SDK1: variants seen among roughly 807,000 people sequenced by gnomAD.
SDK1 encodes the protein protein sidekick-1.
A neutral mutation model predicts 245.5 loss-of-function variants in SDK1; 157 were observed. That is an observed-to-expected ratio of 0.64 (90% confidence interval 0.56 to 0.73). The LOEUF (loss-of-function observed/expected upper bound fraction) is 0.73, where lower values mean the gene tolerates loss of function less well. SDK1 is among the 30% of genes least tolerant of loss of function. The probability of loss-of-function intolerance (pLI) is 0.00; values close to 1 mark genes in which losing one functional copy is unlikely to be tolerated. For synonymous variants in SDK1, 1,647 were observed against 1,278.5 expected (o/e 1.29, Z -6.15); for missense variants, 3,583 against 3,002.3 (o/e 1.19, Z -4.52).
At chr7:3,688,668 A>G (rs928690230) in intron 4 of SDK1, among the ~76,000 whole-genome samples, 5 of 152,178 alleles carry the variant, frequency 3.3e-5, no homozygotes, top group Non-Finnish European at 7.3e-5. Context: ...GAGTTTTAGT[A>G]TGTTGGAGTA....
intron 5 of SDK1, among the ~76,000 whole-genome samples, chr7:3,891,615 A>G (rs994037099): frequency 6.6e-6 from 1 of 152,042 alleles, no homozygotes; most frequent in African/African-American, 2.4e-5. Context: ...TCTAAACTCA[A>G]TTCCAAGTAC....
intron 1 of SDK1, among the ~76,000 whole-genome samples, chr7:3,363,953 A>G (rs954023868): frequency 3.3e-5 from 5 of 152,186 alleles, no homozygotes; most frequent in Non-Finnish European, 7.3e-5. Context: ...TCACATCCTC[A>G]TCATTATTTG....
At chr7:3,777,869 A>G (rs1780611779) in intron 4 of SDK1, among the ~76,000 whole-genome samples, 1 of 152,232 alleles carries the variant, frequency 6.6e-6, no homozygotes, top group Non-Finnish European at 1.5e-5. Context: ...ATATAGGTCA[A>G]TTACAAAAGG....
At chr7:4,074,884 C>CTCTCTCTCTCTCTCTCTCTGTG (rs1377225405) in intron 20 of SDK1, among the ~76,000 whole-genome samples, 5 of 62,444 alleles carry the variant, frequency 8.0e-5, no homozygotes, top group African/African-American at 3.7e-4. Context: ...CTCTCTCTCT[C>CTCTCTCTCTCTCTCTCTCTGTG]TGTATATATA....
chr7:4,226,210 G>C (rs372600807), intron 40 of SDK1, among the ~76,000 whole-genome samples: 2 of 152,180 alleles, frequency 1.3e-5, no homozygotes, highest in South Asian at 2.1e-4. Context: ...TGCAATGAAT[G>C]GGCCCCGTTT....
chr7:4,044,664 C>G (rs1261836607), intron 17 of SDK1, among the ~76,000 whole-genome samples: 1 of 152,018 alleles, frequency 6.6e-6, no homozygotes, highest in Non-Finnish European at 1.5e-5. Flanking sequence ...AGGCTGGTCT[C>G]AAACTCCTGG....
Position 3,488,572 on chromosome 7 carries a change from C to G in SDK1, c.299-130508C>G, listed in dbSNP as rs73309905. Among the ~76,000 whole-genome samples, 1,303 of 152,200 alleles carry G rather than the reference C, an allele frequency of 8.6e-3. 23 individuals carry two copies. Among genetic ancestry groups the G allele is most frequent in the African/African-American group, 0.029 (1,225 of 41,526 alleles). The stretch of plus-strand genomic sequence containing the variant: ...ATGTCATCAAGTTTTCTAAGTCTTC[C>G]ATGATCACAAAATGATAGTTGAAGT... On this transcript the variant is annotated intron_variant, in intron 1 of 44. Transcript: ENST00000404826.
rs887852684 is a variant in SDK1, at chr7:4,268,920, GA to G, written c.*3543del. The G allele has an allele frequency of 3.8e-5, 13 of 345,168 alleles. No homozygotes were observed. The highest frequency in any genetic ancestry group is 6.3e-5 in the Non-Finnish European group (11 of 174,122). 21.4% of individuals were successfully genotyped at this position (345,168 alleles called of 1,614,324 possible). A position where few individuals can be genotyped will look rare whatever the true frequency, so the allele number is the denominator to read the frequency against. On this transcript the variant is annotated 3_prime_UTR_variant, in exon 45 of 45. Transcript: ENST00000404826. ...TGCAGAAAAACAGATCTCATTAAAA[GA>G]AAAAAAGAAACAACTTGTAGGAAGA... is the stretch of plus-strand genomic sequence containing the variant.
intron 4 of SDK1, among the ~76,000 whole-genome samples, chr7:3,745,480 T>TA (rs1167055745): frequency 6.6e-6 from 1 of 152,166 alleles, no homozygotes; most frequent in Non-Finnish European, 1.5e-5. Context: ...ATAATACTGT[T>TA]AACTAGAATA....
chr7:4,094,164 C>T (rs1015136680), intron 22 of SDK1, among the ~76,000 whole-genome samples: 2 of 152,136 alleles, frequency 1.3e-5, no homozygotes, highest in African/African-American at 4.8e-5. Context: ...TCAAGCGATT[C>T]TCCTGCCTCA....
At chr7:4,247,691 C>G (rs1227570602) in intron 44 of SDK1, among the ~76,000 whole-genome samples, 2 of 152,232 alleles carry the variant, frequency 1.3e-5, no homozygotes, top group Non-Finnish European at 2.9e-5. Context: ...TGAGCGCTCG[C>G]TGCTGTGTGT....
intron 4 of SDK1, among the ~76,000 whole-genome samples, chr7:3,818,736 T>A (rs1779571455): frequency 6.6e-6 from 1 of 152,206 alleles, no homozygotes. Context: ...GTTCATTGGC[T>A]CTATGAGATA....
intron 5 of SDK1, among the ~76,000 whole-genome samples, chr7:3,932,209 CT>C (rs1780000570): frequency 6.6e-6 from 1 of 152,224 alleles, no homozygotes; most frequent in African/African-American, 2.4e-5. Flanking sequence ...TAGCTCCCCC[CT>C]CACTAATGCT....
rs547054465 is a variant in SDK1, at chr7:3,943,920, C to T, written c.848-7003C>T. On this transcript the variant is annotated intron_variant, in intron 5 of 44. Coordinates refer to ENST00000404826, the MANE Select transcript of SDK1 (RefSeq NM_152744.4). ...GGCGTCATCTGAAGTGTTTGCCTTT[C>T]TGCCTCTGAAGCTACCTGGCGCCCG... is the stretch of plus-strand genomic sequence containing the variant. 2.6e-5 allele frequency among the ~76,000 whole-genome samples: 4 copies of T among 152,296 alleles called. No homozygotes were observed. The South Asian group carries it at 6.2e-4, about 24-fold the overall frequency.
chr7:4,060,284 A>G (rs1447086069), intron 19 of SDK1, among the ~76,000 whole-genome samples: 1 of 152,244 alleles, frequency 6.6e-6, no homozygotes, highest in East Asian at 1.9e-4. Context: ...TACATCAGAA[A>G]AAAGTAGAAA....
chr7:4,017,101 T>C (rs1786465605), intron 16 of SDK1, 70 bp from the exon 17 acceptor site: 2 of 1,460,232 alleles, frequency 1.4e-6, no homozygotes, highest in African/African-American at 2.8e-5. Flanking sequence ...CCCTGCGGAA[T>C]AACTGCGGGT....
At chr7:3,602,623 G>C (rs1411181415) in intron 1 of SDK1, among the ~76,000 whole-genome samples, 2 of 151,666 alleles carry the variant, frequency 1.3e-5, no homozygotes, top group Non-Finnish European at 2.9e-5. Context: ...CCATTGTGTA[G>C]GTTCCCTGTT....
intron 1 of SDK1, among the ~76,000 whole-genome samples, chr7:3,558,129 A>G (rs774500233): frequency 2.6e-5 from 4 of 152,124 alleles, no homozygotes; most frequent in African/African-American, 9.6e-5. Context: ...AATGGCCGGT[A>G]TAGTTGCCGA....
intron 22 of SDK1, among the ~76,000 whole-genome samples, chr7:4,083,642 T>TCCC (rs1306674399): frequency 1.1e-5 from 1 of 90,300 alleles, no homozygotes; most frequent in African/African-American, 5.3e-5. Flanking sequence ...CTTTCCTTCC[T>TCCC]TCCTTCCTCC....
Sources: allele counts gnomAD v4.1 joint callset (sites outside exome capture counted in the v4.1 genomes callset), GRCh38; gene constraint gnomAD v4.1.1; transcripts MANE v1.5; gene names NCBI Gene and HGNC (gene_info 2026-07-23, HGNC 2026-07-21).